Variants in IGFBP5 observed in about 807,000 individuals in gnomAD.
The protein encoded by IGFBP5 is insulin like growth factor binding protein 5.
A neutral mutation model predicts 28.0 loss-of-function variants in IGFBP5; 12 were observed. The observed-to-expected ratio is 0.43, with a 90% CI of 0.27 to 0.69. The LOEUF (loss-of-function observed/expected upper bound fraction) is 0.69. IGFBP5 is among the 30% of genes least tolerant of loss of function. The pLI, the probability that IGFBP5 is intolerant of heterozygous loss-of-function variation, is 0.20. For synonymous variants in IGFBP5, 152 were observed against 150.2 expected (o/e 1.01, Z -0.09); for missense variants, 344 against 381.6 (o/e 0.90, Z 0.82).
At chr2:216,685,177 A>T (rs1178116261) in intron 1 of IGFBP5, among the ~76,000 whole-genome samples, 1 of 152,052 alleles carries the variant, frequency 6.6e-6, no homozygotes, top group Admixed American at 6.6e-5. Context: ...GCTGCTCGGG[A>T]AGCTGAGGCA....
chr2:216,689,617 CTGAATGCAG>C (rs1689070696), intron 1 of IGFBP5, among the ~76,000 whole-genome samples: 1 of 152,224 alleles, frequency 6.6e-6, no homozygotes, highest in African/African-American at 2.4e-5. Context: ...CCAGGAATGG[CTGAATGCAG>C]TGCTGGAGCC....
At position 216,694,686 on chromosome 2, in the gene IGFBP5, G is replaced by A; in HGVS notation, c.90C>T (p.Cys30=). 1 of 1,513,738 alleles carries A rather than the reference G, an allele frequency of 6.6e-7. No homozygotes were observed. The highest frequency in any genetic ancestry group is 8.8e-7 in the Non-Finnish European group (1 of 1,135,026). The allele number at this position is 1,513,738 out of a possible 1,614,324, so 93.8% of individuals were successfully genotyped here. Reference sequence around the variant, plus strand: ...GGCACATGGAGAGGGCTTTCTCGTCGCAGGGCTCGCAGTGCACGAAGGAGC... The same window carrying A: ...GGCACATGGAGAGGGCTTTCTCGTCACAGGGCTCGCAGTGCACGAAGGAGC... ...SLGSFVHCEP[C]DEKALSMCPP... Residue 30 remains cysteine (C), a synonymous_variant, in exon 1 of 4, where the codon TGC becomes TGT. Coordinates refer to ENST00000233813, the MANE Select transcript of IGFBP5 (RefSeq NM_000599.4). The surrounding 1 kb of genome is among the most constrained non-coding windows in gnomAD (Gnocchi z 5.2).
At chr2:216,680,819 T>G (rs1346234849) in intron 1 of IGFBP5, among the ~76,000 whole-genome samples, 5 of 152,064 alleles carry the variant, frequency 3.3e-5, no homozygotes, top group Non-Finnish European at 7.4e-5. Context: ...TAAATAAAAT[T>G]CAACCTGAGA....
intron 1 of IGFBP5, among the ~76,000 whole-genome samples, chr2:216,681,393 G>A (rs11575177): frequency 0.012 from 1,759 of 152,310 alleles, 28 homozygotes; most frequent in African/African-American, 0.04. Flanking sequence ...GATAAAGTGA[G>A]GGCAGGTGGG....
At chr2:216,682,827 T>G (rs190241792) in intron 1 of IGFBP5, among the ~76,000 whole-genome samples, 1 of 151,372 alleles carries the variant, frequency 6.6e-6, no homozygotes, top group Non-Finnish European at 1.5e-5. Context: ...TCCTGCCTCA[T>G]CCTCCCGAGT....
rs766900362 is a variant in IGFBP5 at position 216,694,615 on chromosome 2, C to T, written c.161G>A (p.Gly54Asp). The T allele has an allele frequency of 1.3e-6, 2 of 1,539,590 alleles. No homozygotes were observed. Among genetic ancestry groups the T allele is most frequent in the South Asian group, 1.2e-5 (1 of 81,916 alleles). The change falls in exon 1 of 4, where the codon GGC becomes GAC. Residue 54 changes from glycine (G) to aspartate (D), a missense_variant. By Grantham distance (94) the Gly-to-Asp change is moderately conservative. This residue lies in a region of IGFBP5 where 304 missense variants were observed against 329.2 expected (regional missense o/e 0.92). Transcript: ENST00000233813. The surrounding 1 kb of genome is among the most constrained non-coding windows in gnomAD (Gnocchi z 5.2). ...GCELVKEPGC[G>D]CCMTCALAEG... ...GGCCAGGGCGCAGGTCATGCAGCAG[C>T]CGCAGCCCGGCTCCTTGACCAGCTC...
chr2:216,685,319 G>A (rs1689022208), intron 1 of IGFBP5, among the ~76,000 whole-genome samples: 2 of 151,276 alleles, frequency 1.3e-5, no homozygotes, highest in East Asian at 3.9e-4. Flanking sequence ...ACTAGCCAAT[G>A]TGGCTATTTA....
rs1161755045 is a variant in IGFBP5, at chr2:216,692,621, T to C, written c.337+1818A>G. Among the ~76,000 whole-genome samples, 1 of 152,092 alleles carries C rather than the reference T, an allele frequency of 6.6e-6. No individual in the cohort carries two copies. Among genetic ancestry groups the C allele is most frequent in the Non-Finnish European group, 1.5e-5 (1 of 68,014 alleles). On this transcript the variant is annotated intron_variant, in intron 1 of 3. Coordinates refer to ENST00000233813, the MANE Select transcript of IGFBP5 (RefSeq NM_000599.4). The surrounding 1 kb of genome is among the most constrained non-coding windows in gnomAD (Gnocchi z 4.2). ...TAATGTTTTCCTTCTCCGCTAGGCT[T>C]TTCCAAATCCACATCCCCCAAGATG...
At position 216,694,742 on chromosome 2, in the gene IGFBP5, C is replaced by A. The variant is rs1323471141; in HGVS notation, c.34G>T (p.Ala12Ser). 1.6e-5 allele frequency: 23 copies of A among 1,442,150 alleles called. No individual in the cohort carries two copies. The highest frequency in any genetic ancestry group is 2.0e-5 in the Non-Finnish European group (22 of 1,101,838). The allele number at this position is 1,442,150 out of a possible 1,614,324, so 89.3% of individuals were successfully genotyped here. ...VLLTAVLLLLAAYAGPAQSLG... is the reference protein window; with the variant it reads ...VLLTAVLLLLSAYAGPAQSLG... Reference sequence around the variant, plus strand: ...CTCTGGGCCGGCCCCGCATAGGCGGCCAGCAGCAGGAGGACCGCGGTGAGC... The same window carrying A: ...CTCTGGGCCGGCCCCGCATAGGCGGACAGCAGCAGGAGGACCGCGGTGAGC... The change falls in exon 1 of 4, where the codon GCC becomes TCC. Residue 12 changes from alanine (A) to serine (S), a missense_variant. By Grantham distance (99) the Ala-to-Ser change is moderately conservative. This residue lies in a region of IGFBP5 where 304 missense variants were observed against 329.2 expected (regional missense o/e 0.92). Transcript: ENST00000233813. The surrounding 1 kb of genome is among the most constrained non-coding windows in gnomAD (Gnocchi z 5.2).
rs1041314666 is a variant in IGFBP5, at chr2:216,681,024, A to G, written c.338-1945T>C. The stretch of plus-strand genomic sequence containing the variant: ...GGGTAAATTGACTTTTCTTGGTTGT[A>G]GCGCAAGTGAGATTGGCAGGAGGAA... On this transcript the variant is annotated intron_variant, in intron 1 of 3. Transcript: ENST00000233813. 4.6e-5 allele frequency among the ~76,000 whole-genome samples: 7 copies of G among 152,252 alleles called. No homozygotes were observed. In the East Asian group the frequency reaches 1.2e-3, roughly 25 times the overall value.
At chr2:216,684,068 A>T (rs948760586) in intron 1 of IGFBP5, among the ~76,000 whole-genome samples, 1 of 152,256 alleles carries the variant, frequency 6.6e-6, no homozygotes, top group East Asian at 1.9e-4. Context: ...GCAAACACAG[A>T]GAGTGTCATG....
At chr2:216,677,014 T>C in intron 3 of IGFBP5, 132 bp from the exon 4 acceptor site, 1 of 922,540 alleles carries the variant, frequency 1.1e-6, no homozygotes, top group African/African-American at 1.7e-5. Context: ...ACCCGACCCT[T>C]GGGTTTCTGG....
Position 216,694,493 on chromosome 2 carries a change from G to A in IGFBP5, c.283C>T (p.His95Tyr). 2 of 1,590,688 alleles carry A rather than the reference G, an allele frequency of 1.3e-6. No homozygotes were observed. The highest frequency in any genetic ancestry group is 8.5e-7 in the Non-Finnish European group (1 of 1,171,916). The change falls in exon 1 of 4, where the codon CAC (histidine) becomes TAC (tyrosine). Residue 95 changes from histidine to tyrosine, a missense_variant. This residue lies in a region of IGFBP5 where 304 missense variants were observed against 329.2 expected (regional missense o/e 0.92). Transcript: ENST00000233813. This position sits in a 1 kb window ranked among gnomAD's most constrained non-coding sequence, Gnocchi z 5.2. ...DEEKPLHALLHGRGVCLNEKS... is the reference protein window; with the variant it reads ...DEEKPLHALLYGRGVCLNEKS... ...TCGTTGAGGCAAACCCCGCGGCCGT[G>A]CAGCAGGGCGTGCAGCGGCTTCTCC...
Position 216,676,562 on chromosome 2 carries a change from C to T in IGFBP5, c.*189G>A. 1 of 438,852 alleles carries T rather than the reference C, an allele frequency of 2.3e-6. No individual in the cohort carries two copies. The allele number at this position is 438,852 out of a possible 1,614,324, so 27.2% of individuals were successfully genotyped here. On this transcript the variant is annotated 3_prime_UTR_variant, in exon 4 of 4. Transcript: ENST00000233813. The stretch of plus-strand genomic sequence containing the variant: ...GGTGTCTTTTTAGCTTTTTGCATCT[C>T]TGTTGTTGCCATTTTCGAAGTTGAG...
At position 216,672,305 on chromosome 2, in the gene IGFBP5, T is replaced by TTG. The variant is rs1688838882; in HGVS notation, c.*4445_*4446insCA. ...CCGAGCTCTTCCGCATTCAGGTGTT[T>TTG]TTTTTTTTTTTTTCGGCTTTTTTTT... On this transcript the variant is annotated 3_prime_UTR_variant, in exon 4 of 4. Transcript: ENST00000233813. The TTG allele has an allele frequency of 6.6e-6, 1 of 150,598 alleles. No individual in the cohort carries two copies. Among genetic ancestry groups the TTG allele is most frequent in the African/African-American group, 2.5e-5 (1 of 40,628 alleles). The allele number at this position is 150,598 out of a possible 1,614,324, so 9.3% of individuals were successfully genotyped here.
At chr2:216,693,336 G>T (rs894199307) in intron 1 of IGFBP5, among the ~76,000 whole-genome samples, 1 of 151,438 alleles carries the variant, frequency 6.6e-6, no homozygotes, top group Admixed American at 6.6e-5. Flanking sequence ...CTCCCAGTGC[G>T]TGGCTTTTCT....
At chr2:216,689,037 T>C (rs1165477804) in intron 1 of IGFBP5, among the ~76,000 whole-genome samples, 1 of 152,178 alleles carries the variant, frequency 6.6e-6, no homozygotes, top group Non-Finnish European at 1.5e-5. Context: ...TTATCAGCTT[T>C]GGTGGTATAT....
rs758117726 is a variant in IGFBP5, at chr2:216,679,004, C to A, written c.413G>T (p.Arg138Leu). ...CTCGGAGATGCGGGTGTGTTTGGGCCGGAAGATCTTGGGGGAGTAGGTCTC... is the reference window on the plus strand; with the variant it reads ...CTCGGAGATGCGGGTGTGTTTGGGCAGGAAGATCTTGGGGGAGTAGGTCTC... ...AEETYSPKIF[R>L]PKHTRISELK... The change falls in exon 2 of 4, where the codon CGG (arginine) becomes CTG (leucine). Residue 138 changes from arginine (R) to leucine (L), a missense_variant. Physicochemically the swap from Arg to Leu is moderately radical, Grantham distance 102 (BLOSUM62 -2). This residue lies in a region of IGFBP5 where 304 missense variants were observed against 329.2 expected (regional missense o/e 0.92). Coordinates refer to ENST00000233813, the MANE Select transcript of IGFBP5 (RefSeq NM_000599.4). This position sits in a 1 kb window ranked among gnomAD's most constrained non-coding sequence, Gnocchi z 4.6. 6.2e-7 allele frequency: 1 copy of A among 1,613,950 alleles called. No individual in the cohort carries two copies. The highest frequency in any genetic ancestry group is 1.3e-5 in the African/African-American group (1 of 74,876).
At chr2:216,682,722 T>C (rs1472517620) in intron 1 of IGFBP5, among the ~76,000 whole-genome samples, 1 of 151,796 alleles carries the variant, frequency 6.6e-6, no homozygotes, top group Non-Finnish European at 1.5e-5. Flanking sequence ...TTGTTTTTTT[T>C]TTTTGAGACA....
Sources: gnomAD v4.1 joint callset for allele counts (sites outside exome capture counted in the v4.1 genomes callset) on GRCh38, gnomAD v4.1.1 for gene constraint, gnomAD v4.1.1 regional missense constraint, Gnocchi (gnomAD v3.1) non-coding constraint, MANE v1.5 for transcripts, NCBI Gene and HGNC (gene_info 2026-07-23, HGNC 2026-07-21) for gene names.